The following CCDC185 variants were observed in gnomAD, a reference collection of about 807,000 sequenced individuals.
CCDC185 encodes coiled-coil domain-containing protein 185.
For synonymous variants in CCDC185, 381 were observed against 348.1 expected (o/e 1.09, Z -1.05); for missense variants, 982 against 825.3 (o/e 1.19, Z -2.33).
chr1:223,395,052 G>A lies in CCDC185; in HGVS notation c.1577G>A (p.Arg526Lys). ...AGGAGTCACGTGCACAAGACCACTA[G>A]GGACAAGGTGCAGCACCTCCGGGAG... ...QARSHVHKTT[R>K]DKVQHLRELN... The change falls in exon 1 of 1, where the codon AGG becomes AAG. Residue 526 changes from arginine to lysine, a missense_variant. Arg to Lys is a conservative substitution (Grantham distance 26). Transcript: ENST00000366875. 2 of 1,613,728 alleles carry A rather than the reference G, an allele frequency of 1.2e-6. No homozygotes were observed. Among genetic ancestry groups the A allele is most frequent in the Non-Finnish European group, 1.7e-6 (2 of 1,179,924 alleles).
chr1:223,393,459 C>G lies in CCDC185; in HGVS notation c.-17C>G. 2 of 1,445,526 alleles carry G rather than the reference C, an allele frequency of 1.4e-6. No homozygotes were observed. Among genetic ancestry groups the G allele is most frequent in the Non-Finnish European group, 1.8e-6 (2 of 1,099,908 alleles). The allele number at this position is 1,445,526 out of a possible 1,614,324, so 89.5% of individuals were successfully genotyped here. ...TCAGGCCCCTTGGGCAGACGCTGCG[C>G]GTGCCCAGAGGGAGGGATGGCAGGC... On this transcript the variant is annotated 5_prime_UTR_variant, in exon 1 of 1. Transcript: ENST00000366875. This position sits in a 1 kb window ranked among gnomAD's most constrained non-coding sequence, Gnocchi z 4.8.
Position 223,394,298 on chromosome 1 carries a change from GAGCTGCAGC to G in CCDC185, c.827_835del (p.Leu276_Gln278del). The stretch of plus-strand genomic sequence containing the variant: ...TCTCAAGAAGGCCCAGAGGATACGG[GAGCTGCAGC>G]AGCAGGCGGCTAAGGCCTGGGAGGA... On this transcript the variant is annotated inframe_deletion, in exon 1 of 1. Coordinates refer to ENST00000366875, the MANE Select transcript of CCDC185 (RefSeq NM_152610.3). The G allele has an allele frequency of 6.2e-7, 1 of 1,613,082 alleles. No individual in the cohort carries two copies. The highest frequency in any genetic ancestry group is 8.5e-7 in the Non-Finnish European group (1 of 1,179,746).
At position 223,394,025 on chromosome 1, in the gene CCDC185, T is replaced by C. The variant is rs1490560879; in HGVS notation, c.550T>C (p.Ser184Pro). The C allele has an allele frequency of 6.2e-7, 1 of 1,614,022 alleles. No individual in the cohort carries two copies. The highest frequency in any genetic ancestry group is 1.7e-5 in the Admixed American group (1 of 60,004). ...VPLGRHLGRW[S>P]PSSVPSERSS... ...ACTCGGCAGACATCTAGGTCGCTGG[T>C]CCCCTTCCTCAGTTCCCTCGGAGCG... The change falls in exon 1 of 1, where the codon TCC becomes CCC. Residue 184 changes from serine to proline, a missense_variant. Physicochemically the swap from Ser to Pro is moderately conservative, Grantham distance 74. Coordinates refer to ENST00000366875, the MANE Select transcript of CCDC185 (RefSeq NM_152610.3).
At position 223,393,538 on chromosome 1, in the gene CCDC185, C is replaced by G. The variant is rs372220702; in HGVS notation, c.63C>G (p.Pro21=). The change falls in exon 1 of 1, where the codon CCC becomes CCG. Residue 21 remains proline (P), a synonymous_variant. Transcript: ENST00000366875. The surrounding 1 kb of genome is among the most constrained non-coding windows in gnomAD (Gnocchi z 4.8). ...GGGATCTCTGGGAACCCCCGCGGCCCGGCGGAGAACGAGAGTCCACGCAGC... is the reference window on the plus strand; with the variant it reads ...GGGATCTCTGGGAACCCCCGCGGCCGGGCGGAGAACGAGAGTCCACGCAGC... ...PYRDLWEPPR[P]GGERESTQRL... 9.9e-5 allele frequency: 154 copies of G among 1,555,174 alleles called. No individual in the cohort carries two copies. The African/African-American group carries it at 2.0e-3, about 20-fold the overall frequency.
chr1:223,393,983 G>A lies in CCDC185; in HGVS notation c.508G>A (p.Asp170Asn). 6 of 1,614,092 alleles carry A rather than the reference G, an allele frequency of 3.7e-6. No homozygotes were observed. Among genetic ancestry groups the A allele is most frequent in the Non-Finnish European group, 5.1e-6 (6 of 1,180,030 alleles). The change falls in exon 1 of 1, where the codon GAC (aspartate) becomes AAC (asparagine). Residue 170 changes from aspartate to asparagine, a missense_variant. By Grantham distance (23) the Asp-to-Asn change is conservative. Transcript: ENST00000366875. The surrounding 1 kb of genome is among the most constrained non-coding windows in gnomAD (Gnocchi z 4.8). ...CAGGGTAGAAAAGGCACAGGGTGGA[G>A]ACCAGTGGGCAGTGCCACTCGGCAG... ...TFRVEKAQGG[D>N]QWAVPLGRHL...
Position 223,395,361 on chromosome 1 carries a change from C to T in CCDC185, c.*14C>T, listed in dbSNP as rs1669653079. The T allele has an allele frequency of 2.0e-6, 3 of 1,503,540 alleles. No homozygotes were observed. Among genetic ancestry groups the T allele is most frequent in the Non-Finnish European group, 2.7e-6 (3 of 1,128,290 alleles). 93.1% of individuals were successfully genotyped at this position (1,503,540 alleles called of 1,614,324 possible). A position where few individuals can be genotyped will look rare whatever the true frequency, so the allele number is the denominator to read the frequency against. ...AGGGGTTACTGAGAACCAAGGACGC[C>T]TGGCTTACAGTGCGCAGCCAGAAGG... is the stretch of plus-strand genomic sequence containing the variant. On this transcript the variant is annotated 3_prime_UTR_variant, in exon 1 of 1. Transcript: ENST00000366875.
In CCDC185 at chr1:223,395,087, C is replaced by A; in HGVS notation, c.1612C>A (p.Leu538Met). 6.2e-7 allele frequency: 1 copy of A among 1,614,158 alleles called. No individual in the cohort carries two copies. The highest frequency in any genetic ancestry group is 8.5e-7 in the Non-Finnish European group (1 of 1,180,032). Residue 538 changes from leucine to methionine, a missense_variant, in exon 1 of 1, where the codon CTG (leucine) becomes ATG (methionine). Transcript: ENST00000366875. ...GCAGCACCTCCGGGAGCTCAACCAC[C>A]TGAGGGAGAAAAACCACCACATCCT... ...KVQHLRELNH[L>M]REKNHHILKL...
Position 223,393,865 on chromosome 1 carries a change from G to A in CCDC185, c.390G>A (p.Gln130=), listed in dbSNP as rs780194815. ...AGCCGCAGACCCAGCTGCCACCCCAGCGGCCGCAGCCCTGCCCGCATTACC... is the reference window on the plus strand; with the variant it reads ...AGCCGCAGACCCAGCTGCCACCCCAACGGCCGCAGCCCTGCCCGCATTACC... ...AWQPQTQLPP[Q]RPQPCPHYPL... is the part of the protein sequence containing the mutation. Residue 130 remains glutamine (Q), a synonymous_variant, in exon 1 of 1, where the codon CAG becomes CAA. Transcript: ENST00000366875. The surrounding 1 kb of genome is among the most constrained non-coding windows in gnomAD (Gnocchi z 4.8). 4 of 1,605,220 alleles carry A rather than the reference G, an allele frequency of 2.5e-6. No individual in the cohort carries two copies. In the African/African-American group the frequency reaches 5.3e-5, roughly 21 times the overall value.
At position 223,395,463 on chromosome 1, in the gene CCDC185, C is replaced by T. The variant is rs1175821675; in HGVS notation, c.*116C>T. 20 of 1,160,624 alleles carry T rather than the reference C, an allele frequency of 1.7e-5. No individual in the cohort carries two copies. The South Asian group carries it at 4.3e-4, about 25-fold the overall frequency. The allele number at this position is 1,160,624 out of a possible 1,614,324, so 71.9% of individuals were successfully genotyped here. On this transcript the variant is annotated 3_prime_UTR_variant, in exon 1 of 1. Coordinates refer to ENST00000366875, the MANE Select transcript of CCDC185 (RefSeq NM_152610.3). ...TTTAAAAAAGCATGTAAAATAGCTG[C>T]AATTTCCTCTCATGAACTGGTTTAT...
Position 223,395,347 on chromosome 1 carries a change from A to G in CCDC185, c.1872A>G (p.Ter624TrpextTer24), listed in dbSNP as rs1449000892. ...CCTGTCAGCAGAACAGGGGTTACTG[A>G]GAACCAAGGACGCCTGGCTTACAGT... ...LRACQQNRGY[*>W] is the part of the protein sequence containing the mutation. The change falls in exon 1 of 1, where the codon TGA becomes TGG. Residue 624 changes from the stop codon to tryptophan, a stop_lost. Transcript: ENST00000366875. 12 of 1,506,140 alleles carry G rather than the reference A, an allele frequency of 8.0e-6. No homozygotes were observed. Among genetic ancestry groups the G allele is most frequent in the African/African-American group, 1.4e-5 (1 of 71,444 alleles). The allele number at this position is 1,506,140 out of a possible 1,614,324, so 93.3% of individuals were successfully genotyped here.
rs760631004 is a variant in CCDC185, at chr1:223,393,627, C to T, written c.152C>T (p.Ala51Val). The change falls in exon 1 of 1, where the codon GCG becomes GTG. Residue 51 changes from alanine (A) to valine (V), a missense_variant. Ala to Val is a moderately conservative substitution (Grantham distance 64). Coordinates refer to ENST00000366875, the MANE Select transcript of CCDC185 (RefSeq NM_152610.3). The surrounding 1 kb of genome is among the most constrained non-coding windows in gnomAD (Gnocchi z 4.8). ...TACSRAGTPG[A>V]ESEAGACWLH... ...TGCTCCCGGGCCGGGACTCCGGGTG[C>T]GGAGAGCGAAGCTGGGGCGTGCTGG... is the stretch of plus-strand genomic sequence containing the variant. 2.6e-6 allele frequency: 4 copies of T among 1,525,792 alleles called. No homozygotes were observed. The highest frequency in any genetic ancestry group is 2.3e-5 in the East Asian group (1 of 42,582). The allele number at this position is 1,525,792 out of a possible 1,614,324, so 94.5% of individuals were successfully genotyped here.
In CCDC185 at chr1:223,393,621, C is replaced by A. The variant is rs748221522; in HGVS notation, c.146C>A (p.Pro49Gln). ...ACCGCGTGCTCCCGGGCCGGGACTC[C>A]GGGTGCGGAGAGCGAAGCTGGGGCG... ...DSTACSRAGT[P>Q]GAESEAGACW... is the part of the protein sequence containing the mutation. Residue 49 changes from proline (P) to glutamine (Q), a missense_variant, in exon 1 of 1, where the codon CCG (proline) becomes CAG (glutamine). Pro to Gln is a moderately conservative substitution (Grantham distance 76). Transcript: ENST00000366875. This position sits in a 1 kb window ranked among gnomAD's most constrained non-coding sequence, Gnocchi z 4.8. 4 of 1,525,904 alleles carry A rather than the reference C, an allele frequency of 2.6e-6. No homozygotes were observed. Among genetic ancestry groups the A allele is most frequent in the African/African-American group, 1.4e-5 (1 of 71,162 alleles). 94.5% of individuals were successfully genotyped at this position (1,525,904 alleles called of 1,614,324 possible). A position where few individuals can be genotyped will look rare whatever the true frequency, so the allele number is the denominator to read the frequency against.
chr1:223,394,500 G>A lies in CCDC185; in HGVS notation c.1025G>A (p.Gly342Glu). ...AGCCAGAGGAAGAACGTGCCCCCGG[G>A]GGAAAGCCGGTGGAAGGAGCAACCA... is the stretch of plus-strand genomic sequence containing the variant. ...RDSQRKNVPP[G>E]ESRWKEQPED... Residue 342 changes from glycine to glutamate, a missense_variant, in exon 1 of 1, where the codon GGG becomes GAG. Transcript: ENST00000366875. The A allele has an allele frequency of 6.3e-7, 1 of 1,586,488 alleles. No homozygotes were observed. Among genetic ancestry groups the A allele is most frequent in the East Asian group, 2.3e-5 (1 of 43,360 alleles).
At position 223,395,311 on chromosome 1, in the gene CCDC185, C is replaced by T. The variant is rs371390790; in HGVS notation, c.1836C>T (p.Ala612=). 1.5e-5 allele frequency: 23 copies of T among 1,528,176 alleles called. No individual in the cohort carries two copies. The highest frequency in any genetic ancestry group is 2.0e-5 in the Non-Finnish European group (23 of 1,142,016). 94.7% of individuals were successfully genotyped at this position (1,528,176 alleles called of 1,614,324 possible). Reference sequence around the variant, plus strand: ...CCCTTGATCAGATGGTACTAGAGGCCCAGCTCCGTGCCTGTCAGCAGAACA... The same window carrying T: ...CCCTTGATCAGATGGTACTAGAGGCTCAGCTCCGTGCCTGTCAGCAGAACA... ...NSSLDQMVLE[A]QLRACQQNRG... The change falls in exon 1 of 1, where the codon GCC becomes GCT. Residue 612 remains alanine (A), a synonymous_variant. Transcript: ENST00000366875.
chr1:223,393,834 C>A lies in CCDC185; in HGVS notation c.359C>A (p.Ala120Asp). The A allele has an allele frequency of 6.3e-7, 1 of 1,597,416 alleles. No individual in the cohort carries two copies. The highest frequency in any genetic ancestry group is 8.5e-7 in the Non-Finnish European group (1 of 1,173,088). ...WGETGTKPRPAWQPQTQLPPQ... is the reference protein window; with the variant it reads ...WGETGTKPRPDWQPQTQLPPQ... ...GAGACAGGAACCAAGCCCCGCCCGGCTTGGCAGCCGCAGACCCAGCTGCCA... is the reference window on the plus strand; with the variant it reads ...GAGACAGGAACCAAGCCCCGCCCGGATTGGCAGCCGCAGACCCAGCTGCCA... The change falls in exon 1 of 1, where the codon GCT (alanine) becomes GAT (aspartate). Residue 120 changes from alanine to aspartate, a missense_variant. By Grantham distance (126) the Ala-to-Asp change is moderately radical. Coordinates refer to ENST00000366875, the MANE Select transcript of CCDC185 (RefSeq NM_152610.3). The surrounding 1 kb of genome is among the most constrained non-coding windows in gnomAD (Gnocchi z 4.8).
In CCDC185 at chr1:223,394,100, G is replaced by T. The variant is rs141894100; in HGVS notation, c.625G>T (p.Ala209Ser). The change falls in exon 1 of 1, where the codon GCC (alanine) becomes TCC (serine). Residue 209 changes from alanine (A) to serine (S), a missense_variant. By Grantham distance (99) the Ala-to-Ser change is moderately conservative. Transcript: ENST00000366875. ...KFKRHSACVC[A>S]QKRDSSDQVE... ...CAAGAGGCACTCAGCCTGCGTGTGCGCCCAGAAGAGAGACAGCAGCGACCA... is the reference window on the plus strand; with the variant it reads ...CAAGAGGCACTCAGCCTGCGTGTGCTCCCAGAAGAGAGACAGCAGCGACCA... 6 of 1,614,110 alleles carry T rather than the reference G, an allele frequency of 3.7e-6. No individual in the cohort carries two copies. Among genetic ancestry groups the T allele is most frequent in the Non-Finnish European group, 4.2e-6 (5 of 1,180,024 alleles).
chr1:223,395,390 T>A lies in CCDC185; in HGVS notation c.*43T>A. 6.9e-7 allele frequency: 1 copy of A among 1,454,720 alleles called. No homozygotes were observed. The highest frequency in any genetic ancestry group is 1.4e-5 in the African/African-American group (1 of 70,548). 90.1% of individuals were successfully genotyped at this position (1,454,720 alleles called of 1,614,324 possible). On this transcript the variant is annotated 3_prime_UTR_variant, in exon 1 of 1. Coordinates refer to ENST00000366875, the MANE Select transcript of CCDC185 (RefSeq NM_152610.3). The stretch of plus-strand genomic sequence containing the variant: ...CTTACAGTGCGCAGCCAGAAGGAGA[T>A]GTGGCAATGTGATTCCTTTTGTAAT...
In CCDC185 at chr1:223,394,830, T is replaced by A; in HGVS notation, c.1355T>A (p.Leu452Gln). The change falls in exon 1 of 1, where the codon CTG (leucine) becomes CAG (glutamine). Residue 452 changes from leucine (L) to glutamine (Q), a missense_variant. Transcript: ENST00000366875. ...GAGGAGCTCCTTAGGCAGCTGTCCC[T>A]GGAACAAAGTTTCCAGCGGTCCCAG... ...KAEELLRQLS[L>Q]EQSFQRSQEI... is the part of the protein sequence containing the mutation. The A allele has an allele frequency of 6.2e-7, 1 of 1,613,774 alleles. No individual in the cohort carries two copies. The highest frequency in any genetic ancestry group is 8.5e-7 in the Non-Finnish European group (1 of 1,179,754).
In CCDC185 at chr1:223,393,549, G is replaced by T. The variant is rs187574172; in HGVS notation, c.74G>T (p.Arg25Leu). 6 of 1,557,892 alleles carry T rather than the reference G, an allele frequency of 3.9e-6. No individual in the cohort carries two copies. Among genetic ancestry groups the T allele is most frequent in the South Asian group, 1.2e-5 (1 of 84,170 alleles). ...LWEPPRPGGERESTQRLGGQR... is the reference protein window; with the variant it reads ...LWEPPRPGGELESTQRLGGQR... ...GAACCCCCGCGGCCCGGCGGAGAAC[G>T]AGAGTCCACGCAGCGGCTGGGCGGG... Residue 25 changes from arginine to leucine, a missense_variant, in exon 1 of 1, where the codon CGA becomes CTA. Coordinates refer to ENST00000366875, the MANE Select transcript of CCDC185 (RefSeq NM_152610.3). This position sits in a 1 kb window ranked among gnomAD's most constrained non-coding sequence, Gnocchi z 4.8.
Sources: gnomAD v4.1 joint callset for allele counts on GRCh38, gnomAD v4.1.1 for gene constraint, Gnocchi (gnomAD v3.1) non-coding constraint, MANE v1.5 for transcripts, NCBI Gene and HGNC (gene_info 2026-07-23, HGNC 2026-07-21) for gene names.